Variants in PDCD6IP observed in about 807,000 individuals in gnomAD.
The protein encoded by PDCD6IP is programmed cell death 6-interacting protein.
Under a neutral mutation model 103.7 loss-of-function variants are expected in PDCD6IP, and 43 were observed. The observed-to-expected ratio is 0.41, with a 90% CI of 0.32 to 0.53. The LOEUF (loss-of-function observed/expected upper bound fraction) is 0.53. PDCD6IP is among the 20% of genes least tolerant of loss of function. The pLI, the probability that PDCD6IP is intolerant of heterozygous loss-of-function variation, is 0.16. For synonymous variants in PDCD6IP, 354 were observed against 378.7 expected (o/e 0.93, Z 0.76); for missense variants, 871 against 1,036.7 (o/e 0.84, Z 2.20).
intron 15 of PDCD6IP, among the ~76,000 whole-genome samples, chr3:33,861,017 G>T (rs1167045312): frequency 6.6e-6 from 1 of 151,146 alleles, no homozygotes; most frequent in South Asian, 2.1e-4. Context: ...AAAAAAACAG[G>T]TGAAATTAAT....
chr3:33,864,026 C>T lies in PDCD6IP; in HGVS notation c.2141C>T (p.Ala714Val). ...ATAAGGGACTTGCAACAAAGCATTGCCAGAGAACCTAGTGCTCCTTCAATT... is the reference window on the plus strand; with the variant it reads ...ATAAGGGACTTGCAACAAAGCATTGTCAGAGAACCTAGTGCTCCTTCAATT... ...ELLKDLQQSI[A>V]REPSAPSIPT... is the part of the protein sequence containing the mutation. Residue 714 changes from alanine to valine, a missense_variant, in exon 16 of 18, where the codon GCC becomes GTC. This residue lies in a region of PDCD6IP where 202 missense variants were observed against 205.2 expected (regional missense o/e 0.98). Transcript: ENST00000307296. 1 of 1,613,402 alleles carries T rather than the reference C, an allele frequency of 6.2e-7. No homozygotes were observed. The highest frequency in any genetic ancestry group is 8.5e-7 in the Non-Finnish European group (1 of 1,179,484).
intron 1 of PDCD6IP, among the ~76,000 whole-genome samples, chr3:33,805,509 A>G (rs890968260): frequency 1.3e-5 from 2 of 151,884 alleles, no homozygotes; most frequent in Non-Finnish European, 2.9e-5. Flanking sequence ...ACAATAGCCT[A>G]CTGCAGCCTC....
chr3:33,846,410 A>G (rs1697592857), intron 12 of PDCD6IP, among the ~76,000 whole-genome samples: 1 of 152,250 alleles, frequency 6.6e-6, no homozygotes, highest in Non-Finnish European at 1.5e-5. Context: ...ATTAACATAC[A>G]AATTACACAC....
At chr3:33,829,969 C>T (rs1355359146) in intron 7 of PDCD6IP, among the ~76,000 whole-genome samples, 2 of 152,144 alleles carry the variant, frequency 1.3e-5, no homozygotes, top group Non-Finnish European at 2.9e-5. Context: ...AATGAAGCCC[C>T]TCTCTTGGTA....
chr3:33,833,111 CCTGTGTCT>C (rs1240653924), intron 7 of PDCD6IP, among the ~76,000 whole-genome samples: 1 of 151,414 alleles, frequency 6.6e-6, no homozygotes, highest in African/African-American at 2.4e-5. Context: ...AGTTTTTTAG[CCTGTGTCT>C]CTAAGAGATA....
chr3:33,848,428 G>C (rs371204188), intron 12 of PDCD6IP, among the ~76,000 whole-genome samples: 1 of 145,058 alleles, frequency 6.9e-6, no homozygotes, highest in Non-Finnish European at 1.5e-5. Flanking sequence ...TTTTTGAGAC[G>C]GAGTCTTGCT....
chr3:33,853,728 G>A (rs1697768242), intron 13 of PDCD6IP, 151 bp from the exon 14 acceptor site: 1 of 649,406 alleles, frequency 1.5e-6, no homozygotes, highest in Admixed American at 4.8e-5. Flanking sequence ...AGCATAATGA[G>A]GCTTCAAAAG....
At chr3:33,862,456 A>G (rs1268500855) in intron 15 of PDCD6IP, among the ~76,000 whole-genome samples, 1 of 152,178 alleles carries the variant, frequency 6.6e-6, no homozygotes, top group African/African-American at 2.4e-5. Context: ...GACATCATGT[A>G]TTACATGGAG....
chr3:33,838,139 C>G, intron 8 of PDCD6IP, 65 bp from the exon 9 acceptor site: 7 of 1,390,276 alleles, frequency 5.0e-6, no homozygotes, highest in Non-Finnish European at 6.1e-6. Flanking sequence ...AAAATATAAA[C>G]AGTCACTTTT....
At chr3:33,845,946 A>G (rs1018509714) in intron 12 of PDCD6IP, among the ~76,000 whole-genome samples, 1 of 152,222 alleles carries the variant, frequency 6.6e-6, no homozygotes, top group African/African-American at 2.4e-5. Context: ...TATTTCTTAC[A>G]TTATTCTATA....
intron 5 of PDCD6IP, 90 bp from the exon 6 acceptor site, chr3:33,826,390 G>A (rs1251962068): frequency 1.9e-5 from 15 of 792,864 alleles, no homozygotes; most frequent in Middle Eastern, 3.4e-4. Flanking sequence ...TTTCAGATGC[G>A]TGTACAAACT....
chr3:33,814,745 GTATA>G (rs1200140367), intron 3 of PDCD6IP, among the ~76,000 whole-genome samples: 1 of 144,238 alleles, frequency 6.9e-6, no homozygotes, highest in Non-Finnish European at 1.5e-5. Context: ...ATACATATAT[GTATA>G]TATACTTACA....
intron 6 of PDCD6IP, chr3:33,828,642 A>G (rs1343512632): frequency 2.8e-5 from 10 of 362,798 alleles, no homozygotes; most frequent in African/African-American, 2.1e-4. Context: ...AACCCCTTCA[A>G]TTGGAAGAAA....
chr3:33,849,008 A>T lies in PDCD6IP; in HGVS notation c.1641+3420A>T, dbSNP rs151019997. Among the ~76,000 whole-genome samples, 3 of 152,370 alleles carry T rather than the reference A, an allele frequency of 2.0e-5. No homozygotes were observed. The South Asian group carries it at 6.2e-4, about 32-fold the overall frequency. On this transcript the variant is annotated intron_variant, in intron 12 of 17. Transcript: ENST00000307296. ...GAAACATAGCTGCGCTCATTCATTTACACATTGTCTTTCACACTACAAAGC... is the reference window on the plus strand; with the variant it reads ...GAAACATAGCTGCGCTCATTCATTTTCACATTGTCTTTCACACTACAAAGC...
At chr3:33,847,397 T>C (rs1697617734) in intron 12 of PDCD6IP, among the ~76,000 whole-genome samples, 1 of 152,230 alleles carries the variant, frequency 6.6e-6, no homozygotes, top group Admixed American at 6.5e-5. Context: ...TTATGGAAGC[T>C]AGATTTTCTT....
rs1416489595 is a variant in PDCD6IP at position 33,798,900 on chromosome 3, C to G, written c.172C>G (p.Leu58Val). The change falls in exon 1 of 18, where the codon CTG (leucine) becomes GTG (valine). Residue 58 changes from leucine to valine, a missense_variant. Physicochemically the swap from Leu to Val is conservative, Grantham distance 32. This residue lies in a region of PDCD6IP where 114 missense variants were observed against 106.7 expected (regional missense o/e 1.07). Transcript: ENST00000307296. ...GCGCCGCGCCGCAGTCGGTCGTCCG[C>G]TGGACAAGCACGAGGGCGCGCTCGA... ...KLRRAAVGRP[L>V]DKHEGALETL... 6.5e-7 allele frequency: 1 copy of G among 1,546,484 alleles called. No homozygotes were observed. Among genetic ancestry groups the G allele is most frequent in the South Asian group, 1.2e-5 (1 of 83,932 alleles).
At chr3:33,854,400 C>A (rs1046784251) in intron 14 of PDCD6IP, among the ~76,000 whole-genome samples, 2 of 152,016 alleles carry the variant, frequency 1.3e-5, no homozygotes, top group East Asian at 1.9e-4. Flanking sequence ...ATGTTCTCTG[C>A]GGTGGTTTGC....
At chr3:33,864,581 A>C (rs1413959578) in intron 16 of PDCD6IP, among the ~76,000 whole-genome samples, 1 of 152,226 alleles carries the variant, frequency 6.6e-6, no homozygotes, top group Non-Finnish European at 1.5e-5. Flanking sequence ...GTTTATAAAA[A>C]TAGCTATATG....
At chr3:33,823,987 C>A (rs1697053816) in intron 4 of PDCD6IP, among the ~76,000 whole-genome samples, 1 of 152,118 alleles carries the variant, frequency 6.6e-6, no homozygotes, top group Non-Finnish European at 1.5e-5. Flanking sequence ...AGGTCCTTGT[C>A]TAGGCTGCTT....
Sources: allele counts gnomAD v4.1 joint callset (sites outside exome capture counted in the v4.1 genomes callset), GRCh38; gene constraint gnomAD v4.1.1; regional missense constraint gnomAD v4.1.1; transcripts MANE v1.5; gene names NCBI Gene and HGNC (gene_info 2026-07-23, HGNC 2026-07-21).